The following DNAH12 variants were observed in gnomAD, a reference collection of about 807,000 sequenced individuals.
DNAH12 encodes the protein axonemal beta dynein heavy chain 12.
In DNAH12, 285 loss-of-function variants were observed where a neutral mutation model predicts 371.5. That is an observed-to-expected ratio of 0.77 (90% confidence interval 0.70 to 0.85). The LOEUF is 0.85. Ranked by LOEUF, DNAH12 falls within the 40% of genes least tolerant of loss-of-function variation. The pLI is 0.00. For missense variants in DNAH12, 3,611 were observed against 3,689.4 expected (o/e 0.98, Z 0.55); for synonymous variants, 1,200 against 1,213.0 (o/e 0.99, Z 0.22).
intron 70 of DNAH12, among the ~76,000 whole-genome samples, chr3:57,299,811 G>A (rs1287351584): frequency 1.3e-5 from 2 of 152,036 alleles, no homozygotes; most frequent in Admixed American, 6.6e-5. Flanking sequence ...AGAAATAAAT[G>A]TCTGTTCTTT....
At position 57,472,560 on chromosome 3, in the gene DNAH12, CAAAGATG is replaced by C; in HGVS notation, c.1755_1761del (p.Ile586MetfsTer6). On this transcript the variant is annotated frameshift_variant, in exon 14 of 74. Transcript: ENST00000495027. LOFTEE classifies it high-confidence loss of function. ...AATATATTTACCTCATCATTTTCAT[CAAAGATG>C]GGATTAATTTTCCTAGGCCACATGA... The C allele has an allele frequency of 6.5e-7, 1 of 1,548,796 alleles. No individual in the cohort carries two copies. The highest frequency in any genetic ancestry group is 8.7e-7 in the Non-Finnish European group (1 of 1,146,074).
chr3:57,302,530 TATA>T (rs1257697241), intron 69 of DNAH12, among the ~76,000 whole-genome samples: 5 of 17,526 alleles, frequency 2.9e-4, no homozygotes, highest in African/African-American at 7.8e-4. Flanking sequence ...GCATCAGGTG[TATA>T]TATATATATA....
intron 42 of DNAH12, among the ~76,000 whole-genome samples, chr3:57,404,076 T>C (rs374056584): frequency 6.6e-6 from 1 of 152,184 alleles, no homozygotes; most frequent in African/African-American, 2.4e-5. Context: ...GATGCTTATA[T>C]ACTATGACAT....
Position 57,376,986 on chromosome 3 carries a change from T to G in DNAH12, c.8460A>C (p.Lys2820Asn), listed in dbSNP as rs1269887139. The change falls in exon 53 of 74, where the codon AAA becomes AAC. Residue 2820 changes from lysine to asparagine, a missense_variant. Around this residue, in one of 3 missense-constraint regions of DNAH12, gnomAD observed 2,266 missense variants for 2,236.9 expected, o/e 1.01. Coordinates refer to ENST00000495027, the MANE Select transcript of DNAH12 (RefSeq NM_001366028.2). Reference sequence around the variant, plus strand: ...AAAACAAATAGAAATCTGACCTTGATTTTTCTCCACCCAGTCCTCCAATTA... The same window carrying G: ...AAAACAAATAGAAATCTGACCTTGAGTTTTCTCCACCCAGTCCTCCAATTA... ...SQLIGGLGGE[K>N]SRWAQAADDL... The G allele has an allele frequency of 6.6e-6, 1 of 152,158 alleles. No individual in the cohort carries two copies. The highest frequency in any genetic ancestry group is 1.5e-5 in the Non-Finnish European group (1 of 68,016). 9.4% of individuals were successfully genotyped at this position (152,158 alleles called of 1,614,324 possible). A position where few individuals can be genotyped will look rare whatever the true frequency, so the allele number is the denominator to read the frequency against.
chr3:57,299,819 TTTAAG>T lies in DNAH12; in HGVS notation c.11394+1911_11394+1915del, dbSNP rs760033278. On this transcript the variant is annotated intron_variant, in intron 70 of 73. Coordinates refer to ENST00000495027, the MANE Select transcript of DNAH12 (RefSeq NM_001366028.2). ...GAGCTTGAGAAATAAATGTCTGTTC[TTTAAG>T]TTATCTAGTCTATTTTGCTTTTTTA... Among the ~76,000 whole-genome samples the T allele has an allele frequency of 3.9e-5, 6 of 152,286 alleles. No individual in the cohort carries two copies. The South Asian group carries it at 6.2e-4, about 16-fold the overall frequency.
rs150928678 is a variant in DNAH12 at position 57,333,296 on chromosome 3, A to T, written c.9978+1169T>A. ...AGTACTGGGATTATAGGCATGAGCC[A>T]CCGTGCCCGGATACATGTTCTTTTT... On this transcript the variant is annotated intron_variant, in intron 62 of 73. Coordinates refer to ENST00000495027, the MANE Select transcript of DNAH12 (RefSeq NM_001366028.2). Among the ~76,000 whole-genome samples, 1,254 of 138,246 alleles carry T rather than the reference A, an allele frequency of 9.1e-3. 20 individuals carry two copies. Among genetic ancestry groups the T allele is most frequent in the African/African-American group, 0.035 (1,212 of 34,980 alleles). The allele number at this position is 138,246 out of a possible 152,430, so 90.7% of individuals were successfully genotyped here.
At chr3:57,393,909 C>T (rs2063685049) in intron 44 of DNAH12, among the ~76,000 whole-genome samples, 1 of 152,020 alleles carries the variant, frequency 6.6e-6, no homozygotes, top group South Asian at 2.1e-4. Flanking sequence ...TCCAATCACT[C>T]ATAAAACATG....
At chr3:57,443,102 GTTATT>G (rs201704345) in intron 29 of DNAH12, among the ~76,000 whole-genome samples, 1,820 of 152,152 alleles carry the variant, frequency 0.012, 14 homozygotes, top group Non-Finnish European at 0.02. Flanking sequence ...TGTTTGTAAT[GTTATT>G]TTATTTATTA....
chr3:57,508,212 A>AAAAAAAAAAAAAAAAAAAC (rs1559734020), intron 7 of DNAH12, among the ~76,000 whole-genome samples, 170 bp downstream of exon 7: 1 of 150,176 alleles, frequency 6.7e-6, no homozygotes, highest in Non-Finnish European at 1.5e-5. Flanking sequence ...AAAAAAAAAA[A>AAAAAAAAAAAAAAAAAAAC]AACCAAAAAA....
At chr3:57,386,934 C>A (rs900038282) in intron 46 of DNAH12, among the ~76,000 whole-genome samples, 152 bp downstream of exon 46, 1 of 152,176 alleles carries the variant, frequency 6.6e-6, no homozygotes, top group East Asian at 1.9e-4. Flanking sequence ...CCAGGAGGAT[C>A]TAACTTGGTA....
chr3:57,519,675 G>A (rs546112749), intron 4 of DNAH12: 1 of 1,592,342 alleles, frequency 6.3e-7, no homozygotes, highest in East Asian at 2.2e-5. Flanking sequence ...GCTCTCATTT[G>A]CCGATTCTTT....
At chr3:57,454,020 G>A (rs2065833964) in intron 23 of DNAH12, among the ~76,000 whole-genome samples, 1 of 152,108 alleles carries the variant, frequency 6.6e-6, no homozygotes, top group Non-Finnish European at 1.5e-5. Flanking sequence ...GAGGCAACAG[G>A]ATAGCTTGAG....
intron 4 of DNAH12, 97 bp downstream of exon 4, chr3:57,523,486 T>G: frequency 8.0e-6 from 8 of 1,004,928 alleles, no homozygotes; most frequent in Non-Finnish European, 1.2e-5. Flanking sequence ...TTTATTTATT[T>G]TCTAGAATGG....
intron 16 of DNAH12, 134 bp downstream of exon 16, chr3:57,470,309 C>T (rs1404785116): frequency 2.2e-5 from 19 of 858,194 alleles, no homozygotes; most frequent in Non-Finnish European, 2.9e-5. Flanking sequence ...GTTTCTCCTA[C>T]ATGGTACCTG....
intron 24 of DNAH12, 34 bp from the exon 25 acceptor site, chr3:57,453,049 C>A (rs369834254): frequency 2.7e-6 from 4 of 1,506,836 alleles, no homozygotes; most frequent in South Asian, 1.3e-5. Context: ...GACACATGAT[C>A]CTTAAATGGA....
chr3:57,525,756 CTTTTTTTTTTTTTT>C (rs776184662), intron 2 of DNAH12, among the ~76,000 whole-genome samples: 1 of 76,272 alleles, frequency 1.3e-5, no homozygotes, highest in Non-Finnish European at 2.2e-5. Context: ...ATGTCTTATT[CTTTTTTTTTTTTTT>C]TTTTTTTTTT....
chr3:57,352,135 A>T lies in DNAH12; in HGVS notation c.9624T>A (p.Phe3208Leu), dbSNP rs1035464655. 29 of 1,542,030 alleles carry T rather than the reference A, an allele frequency of 1.9e-5. No homozygotes were observed. The highest frequency in any genetic ancestry group is 2.4e-5 in the Non-Finnish European group (28 of 1,144,570). ...NLYCNICRSL[F>L]EKDKLLFSFL... ...AGGAAAATAACAGCTTGTCCTTCTCAAATAGTGATCGGCATATATTACAAT... is the reference window on the plus strand; with the variant it reads ...AGGAAAATAACAGCTTGTCCTTCTCTAATAGTGATCGGCATATATTACAAT... Residue 3208 changes from phenylalanine (F) to leucine (L), a missense_variant, in exon 60 of 74, where the codon TTT becomes TTA. Phe to Leu is a conservative substitution (Grantham distance 22). Around this residue, in one of 3 missense-constraint regions of DNAH12, gnomAD observed 2,266 missense variants for 2,236.9 expected, o/e 1.01. Transcript: ENST00000495027.
At chr3:57,380,891 G>T (rs988622417) in intron 50 of DNAH12, among the ~76,000 whole-genome samples, 1 of 152,028 alleles carries the variant, frequency 6.6e-6, no homozygotes, top group Admixed American at 6.6e-5. Flanking sequence ...GTTTAAAAAA[G>T]TAAACACTGA....
chr3:57,418,223 A>T (rs1000771434), intron 37 of DNAH12, among the ~76,000 whole-genome samples: 11 of 151,816 alleles, frequency 7.2e-5, no homozygotes, highest in African/African-American at 2.7e-4. Context: ...GTACTTATTT[A>T]AAAGTATTAT....
Sources: allele counts gnomAD v4.1 joint callset (sites outside exome capture counted in the v4.1 genomes callset), GRCh38; gene constraint gnomAD v4.1.1; regional missense constraint gnomAD v4.1.1; transcripts MANE v1.5; gene names NCBI Gene and HGNC (gene_info 2026-07-23, HGNC 2026-07-21).